The following ATXN7L1 variants were observed in gnomAD, a reference collection of about 807,000 sequenced individuals.
ATXN7L1 encodes the protein ataxin-7-like protein 1.
In ATXN7L1, 15 loss-of-function variants were observed where a neutral mutation model predicts 70.8. That is an observed-to-expected ratio of 0.21 (90% CI 0.14 to 0.33). The LOEUF (loss-of-function observed/expected upper bound fraction) is 0.33. Ranked by LOEUF, ATXN7L1 falls within the 10% of genes least tolerant of loss-of-function variation. The pLI is 1.00. For synonymous variants in ATXN7L1, 440 were observed against 445.1 expected, an observed-to-expected ratio of 0.99 and a Z score of 0.14; for missense variants, 975 against 1,097.1, an observed-to-expected ratio of 0.89 and a Z score of 1.57.
intron 3 of ATXN7L1, among the ~76,000 whole-genome samples, chr7:105,673,016 C>G (rs1804011829): frequency 6.6e-6 from 1 of 152,186 alleles, no homozygotes; most frequent in South Asian, 2.1e-4. Context: ...CTTAAACATC[C>G]AGGTGCAACT....
At position 105,874,079 on chromosome 7, in the gene ATXN7L1, C is replaced by G. The variant is rs915344934; in HGVS notation, c.250+1733G>C. ...GGCGGAGGTTGCAGTGAGCCAAGATCGTACCACTGTACTCCAGCCTGGCGA... is the reference window on the plus strand; with the variant it reads ...GGCGGAGGTTGCAGTGAGCCAAGATGGTACCACTGTACTCCAGCCTGGCGA... On this transcript the variant is annotated intron_variant, in intron 2 of 11. Transcript: ENST00000419735. 2.8e-5 allele frequency among the ~76,000 whole-genome samples: 4 copies of G among 144,200 alleles called. No individual in the cohort carries two copies. The East Asian group carries it at 8.1e-4, about 29-fold the overall frequency. 94.6% of individuals were successfully genotyped at this position (144,200 alleles called of 152,430 possible).
At chr7:105,790,607 TATC>T (rs1265206249) in intron 2 of ATXN7L1, among the ~76,000 whole-genome samples, 1 of 63,450 alleles carries the variant, frequency 1.6e-5, no homozygotes, top group East Asian at 4.3e-4. Context: ...AGAAAAAAAT[TATC>T]TATCTATCTA....
At chr7:105,770,096 G>T (rs1381424625) in intron 3 of ATXN7L1, among the ~76,000 whole-genome samples, 1 of 152,228 alleles carries the variant, frequency 6.6e-6, no homozygotes, top group African/African-American at 2.4e-5. Context: ...GGTGCATGTA[G>T]CAGGGAGATG....
intron 3 of ATXN7L1, among the ~76,000 whole-genome samples, chr7:105,701,185 G>T (rs1792411508): frequency 6.6e-6 from 1 of 152,098 alleles, no homozygotes; most frequent in African/African-American, 2.4e-5. Context: ...TAAATCACAA[G>T]CAATCAGGCA....
At chr7:105,788,196 T>C (rs906358291) in intron 3 of ATXN7L1, 3 of 175,134 alleles carry the variant, frequency 1.7e-5, no homozygotes, top group Admixed American at 1.7e-4. Flanking sequence ...CACTGGGCTG[T>C]GCTTGGCCGC....
intron 3 of ATXN7L1, among the ~76,000 whole-genome samples, chr7:105,771,051 T>C (rs1801919709): frequency 6.6e-6 from 1 of 151,686 alleles, no homozygotes; most frequent in Non-Finnish European, 1.5e-5. Context: ...AATACAAAAA[T>C]CAGCTGGGTG....
chr7:105,698,003 G>C (rs1301542040), intron 3 of ATXN7L1, among the ~76,000 whole-genome samples: 3 of 152,210 alleles, frequency 2.0e-5, no homozygotes, highest in Non-Finnish European at 2.9e-5. Context: ...CATGTGGAAA[G>C]CTGGCCAAGA....
intron 9 of ATXN7L1, among the ~76,000 whole-genome samples, chr7:105,619,524 ATATATATTTTTTTTTTTTTT>A (rs1381539600): frequency 3.2e-4 from 7 of 21,558 alleles, no homozygotes; most frequent in East Asian, 3.0e-3. Flanking sequence ...ATATATATAT[ATATATATTTTTTTTTTTTTT>A]TTTTTTTTTT....
intron 3 of ATXN7L1, among the ~76,000 whole-genome samples, chr7:105,766,415 T>C (rs551117851): frequency 1.1e-4 from 17 of 152,294 alleles, no homozygotes; most frequent in East Asian, 5.8e-4. Context: ...GGGATGCTTG[T>C]TGGTTTGTGC....
At chr7:105,610,507 AC>A in intron 11 of ATXN7L1, 21 bp downstream of exon 11, 1 of 1,157,372 alleles carries the variant, frequency 8.6e-7, no homozygotes, top group Non-Finnish European at 1.2e-6. Flanking sequence ...TTTTTGCCCC[AC>A]CCCCACCCTC....
At chr7:105,803,386 G>A (rs553114352) in intron 2 of ATXN7L1, among the ~76,000 whole-genome samples, 2 of 152,330 alleles carry the variant, frequency 1.3e-5, no homozygotes, top group South Asian at 2.1e-4. Flanking sequence ...TCCCCTGCTG[G>A]CCCCACCCTG....
rs1434392750 is a variant in ATXN7L1 at position 105,762,187 on chromosome 7, T to C, written c.355+26417A>G. The stretch of plus-strand genomic sequence containing the variant: ...GGGATTTTAATAAAAAATAGTGGGG[T>C]TCTTCCACCACCTGCTTAACACTCC... On this transcript the variant is annotated intron_variant, in intron 3 of 11. Coordinates refer to ENST00000419735, the MANE Select transcript of ATXN7L1 (RefSeq NM_020725.2). 2.0e-5 allele frequency among the ~76,000 whole-genome samples: 3 copies of C among 152,182 alleles called. No homozygotes were observed. In the East Asian group the frequency reaches 5.8e-4, roughly 29 times the overall value.
intron 3 of ATXN7L1, among the ~76,000 whole-genome samples, chr7:105,721,070 AACAACC>A (rs1795126234): frequency 6.6e-6 from 1 of 152,164 alleles, no homozygotes; most frequent in African/African-American, 2.4e-5. Flanking sequence ...GCTGAGCAGC[AACAACC>A]ACGACCACCC....
At chr7:105,615,172 T>C (rs1321652369) in intron 9 of ATXN7L1, among the ~76,000 whole-genome samples, 1 of 151,818 alleles carries the variant, frequency 6.6e-6, no homozygotes, top group Non-Finnish European at 1.5e-5. Flanking sequence ...CCCCCAACTC[T>C]CTTTTTTTGG....
At chr7:105,756,633 T>C (rs1392994682) in intron 3 of ATXN7L1, among the ~76,000 whole-genome samples, 1 of 152,122 alleles carries the variant, frequency 6.6e-6, no homozygotes, top group Non-Finnish European at 1.5e-5. Flanking sequence ...GTAATAAATA[T>C]AAATCACAGA....
intron 2 of ATXN7L1, among the ~76,000 whole-genome samples, chr7:105,850,210 C>T (rs1034760362): frequency 3.3e-5 from 5 of 152,244 alleles, no homozygotes; most frequent in Admixed American, 6.5e-5. Context: ...TGTGCCACCA[C>T]GTTTGCACAC....
At chr7:105,729,790 T>C (rs981249347) in intron 3 of ATXN7L1, among the ~76,000 whole-genome samples, 2 of 147,786 alleles carry the variant, frequency 1.4e-5, no homozygotes, top group Non-Finnish European at 3.0e-5. Context: ...CAGGCTGGGG[T>C]GCAGTGGTGC....
At chr7:105,783,425 T>G (rs1222617030) in intron 3 of ATXN7L1, among the ~76,000 whole-genome samples, 1 of 152,176 alleles carries the variant, frequency 6.6e-6, no homozygotes, top group East Asian at 1.9e-4. Context: ...CTGGAGTGTC[T>G]TTTTATGCTA....
chr7:105,671,142 G>T (rs1176208229), intron 3 of ATXN7L1, among the ~76,000 whole-genome samples: 2 of 133,984 alleles, frequency 1.5e-5, no homozygotes, highest in African/African-American at 5.5e-5. Context: ...AATTAGCCGG[G>T]TGTGGTGGCG....
Sources: allele counts gnomAD v4.1 joint callset (sites outside exome capture counted in the v4.1 genomes callset), GRCh38; gene constraint gnomAD v4.1.1; transcripts MANE v1.5; gene names NCBI Gene and HGNC (gene_info 2026-07-23, HGNC 2026-07-21).